The following NIPBL variants were observed in gnomAD, a reference collection of about 807,000 sequenced individuals.
The protein encoded by NIPBL is NIPBL cohesin loading factor, also known as nipped-B-like protein.
Under a neutral mutation model 321.8 loss-of-function variants are expected in NIPBL, and 19 were observed. The ratio of observed to expected loss-of-function variants is 0.06; its 90% CI spans 0.04 to 0.09. The LOEUF is 0.09. NIPBL is among the 10% of genes least tolerant of loss of function. NIPBL has a pLI of 1.00. For missense variants in NIPBL, 2,210 were observed against 3,327.0 expected, an observed-to-expected ratio of 0.66 and a Z score of 8.26; for synonymous variants, 1,106 against 1,114.1, an observed-to-expected ratio of 0.99 and a Z score of 0.14.
chr5:37,016,980 T>A, intron 23 of NIPBL, 39 bp from the exon 24 acceptor site: 2 of 1,305,326 alleles, frequency 1.5e-6, no homozygotes, highest in Non-Finnish European at 2.2e-6. Context: ...AAATATATTG[T>A]TATAAATCTA....
chr5:37,010,881 G>A (rs190621740), intron 21 of NIPBL, among the ~76,000 whole-genome samples: 2 of 152,192 alleles, frequency 1.3e-5, no homozygotes, highest in African/African-American at 2.4e-5. Flanking sequence ...GAGTATCCCT[G>A]ATCCAAAAAT....
chr5:36,999,173 A>G (rs932198138), intron 11 of NIPBL, among the ~76,000 whole-genome samples: 1 of 152,214 alleles, frequency 6.6e-6, no homozygotes, highest in Non-Finnish European at 1.5e-5. Context: ...TGGCACAAGC[A>G]TAGAGTGCCT....
chr5:36,985,585 A>G lies in NIPBL; in HGVS notation c.2405A>G (p.Lys802Arg), dbSNP rs1744681690. 2 of 1,613,964 alleles carry G rather than the reference A, an allele frequency of 1.2e-6. No homozygotes were observed. The highest frequency in any genetic ancestry group is 1.1e-5 in the South Asian group (1 of 91,084). The change falls in exon 10 of 47, where the codon AAG becomes AGG. Residue 802 changes from lysine to arginine, a missense_variant. Coordinates refer to ENST00000282516, the MANE Select transcript of NIPBL (RefSeq NM_133433.4). ...RLKSERAEAL[K>R]QRPDGRSVSE... ...AAATCAGAACGAGCTGAAGCCTTAAAGCAGAGACCTGATGGGCGATCTGTT... is the reference window on the plus strand; with the variant it reads ...AAATCAGAACGAGCTGAAGCCTTAAGGCAGAGACCTGATGGGCGATCTGTT...
rs1468615079 is a variant in NIPBL, at chr5:37,002,587, G to C, written c.3665-75G>C. The C allele has an allele frequency of 5.9e-6, 6 of 1,013,002 alleles. No homozygotes were observed. The East Asian group carries it at 1.5e-4, about 25-fold the overall frequency. The allele number at this position is 1,013,002 out of a possible 1,614,324, so 62.8% of individuals were successfully genotyped here. A position where few individuals can be genotyped will look rare whatever the true frequency, so the allele number is the denominator to read the frequency against. On this transcript the variant is annotated intron_variant, in intron 14 of 46. Coordinates refer to ENST00000282516, the MANE Select transcript of NIPBL (RefSeq NM_133433.4). ...GTTTGCATGTCTAAAAATTTTATTAGAAAGTTAAGCTTGACATTTTGAACT... is the reference window on the plus strand; with the variant it reads ...GTTTGCATGTCTAAAAATTTTATTACAAAGTTAAGCTTGACATTTTGAACT...
intron 1 of NIPBL, among the ~76,000 whole-genome samples, chr5:36,953,172 C>G (rs1023213929): frequency 6.6e-6 from 1 of 152,100 alleles, no homozygotes; most frequent in Non-Finnish European, 1.5e-5. Context: ...AAAGACACAG[C>G]TAGAAAGGCA....
intron 27 of NIPBL, 103 bp from the exon 28 acceptor site, chr5:37,021,948 G>A: frequency 2.4e-6 from 2 of 850,100 alleles, no homozygotes; most frequent in Admixed American, 4.0e-5. Context: ...AGATTAAAGA[G>A]AGGTAAATAA....
At chr5:36,984,096 A>G (rs1040869290) in intron 9 of NIPBL, among the ~76,000 whole-genome samples, 1 of 152,116 alleles carries the variant, frequency 6.6e-6, no homozygotes, top group African/African-American at 2.4e-5. Context: ...TGAATTATTG[A>G]TTAAAGTTAA....
At chr5:37,015,940 AAAG>A in intron 22 of NIPBL, 95 bp from the exon 23 acceptor site, 3 of 1,235,510 alleles carry the variant, frequency 2.4e-6, no homozygotes, top group East Asian at 2.3e-5. Flanking sequence ...AACATAGAAA[AAAG>A]AAAACTTAGC....
chr5:37,030,230 AAGTT>A (rs1209255080), intron 32 of NIPBL, among the ~76,000 whole-genome samples: 1 of 152,142 alleles, frequency 6.6e-6, no homozygotes, highest in African/African-American at 2.4e-5. Flanking sequence ...TTTAGTTAGT[AAGTT>A]AGTTTATCCA....
intron 44 of NIPBL, 132 bp from the exon 45 acceptor site, chr5:37,060,712 G>A: frequency 1.3e-6 from 1 of 775,416 alleles, no homozygotes; most frequent in Non-Finnish European, 2.1e-6. Context: ...GCTGTCCTAG[G>A]ATCACAATAG....
chr5:37,038,486 T>C (rs1463727190), intron 33 of NIPBL, 116 bp from the exon 34 acceptor site: 1 of 769,206 alleles, frequency 1.3e-6, no homozygotes, highest in Non-Finnish European at 2.1e-6. Context: ...TTCATTATAT[T>C]GAGGCCTATA....
Position 36,918,773 on chromosome 5 carries a change from C to T in NIPBL, c.-79-34845C>T, listed in dbSNP as rs372363521. Among the ~76,000 whole-genome samples the T allele has an allele frequency of 7.2e-4, 110 of 152,078 alleles. 1 individual carries two copies. The highest frequency in any genetic ancestry group is 2.4e-3 in the African/African-American group (100 of 41,442). On this transcript the variant is annotated intron_variant, in intron 1 of 46. Coordinates refer to ENST00000282516, the MANE Select transcript of NIPBL (RefSeq NM_133433.4). The stretch of plus-strand genomic sequence containing the variant: ...TTGTCAAAGGCCTTTTCTGCATCTA[C>T]TGAGATAATCATGTGGTTTTTGTCT...
chr5:37,000,644 T>C (rs1746682661), intron 12 of NIPBL, 74 bp downstream of exon 12: 2 of 1,463,304 alleles, frequency 1.4e-6, no homozygotes, highest in African/African-American at 2.8e-5. Context: ...AAGAATATTT[T>C]ATATCTTTTT....
rs779076574 is a variant in NIPBL, at chr5:37,057,314, A to G, written c.7392A>G (p.Leu2464=). 57 of 1,611,926 alleles carry G rather than the reference A, an allele frequency of 3.5e-5. No homozygotes were observed. The highest frequency in any genetic ancestry group is 4.7e-5 in the Non-Finnish European group (55 of 1,178,112). The change falls in exon 43 of 47, where the codon CTA becomes CTG. Residue 2464 remains leucine, a synonymous_variant. Transcript: ENST00000282516. ...CACTCTCAGTTTCTGGTAGTAACCTACTGCAGTCATTCAAGGAGGTAAGTT... is the reference window on the plus strand; with the variant it reads ...CACTCTCAGTTTCTGGTAGTAACCTGCTGCAGTCATTCAAGGAGGTAAGTT... The part of the protein sequence containing the change: ...DITLSVSGSN[L]LQSFKESMVK...
At chr5:36,906,264 A>G (rs916725154) in intron 1 of NIPBL, among the ~76,000 whole-genome samples, 3 of 152,210 alleles carry the variant, frequency 2.0e-5, no homozygotes, top group Non-Finnish European at 4.4e-5. Context: ...ATGAATATAC[A>G]TAAGATGTGT....
chr5:36,955,500 T>C lies in NIPBL; in HGVS notation c.93T>C (p.Pro31=). The change falls in exon 3 of 47, where the codon CCT becomes CCC. Residue 31 remains proline (P), a synonymous_variant. Transcript: ENST00000282516. ...TGAACCAGCTGCCTCTTCCATCTCC[T>C]TTACCTGCTACAACTACAAAGAGCC... The part of the protein sequence containing the change: ...DLLNQLPLPS[P]LPATTTKSLL... 1 of 1,613,980 alleles carries C rather than the reference T, an allele frequency of 6.2e-7. No homozygotes were observed.
chr5:36,991,304 TAA>T (rs951132648), intron 10 of NIPBL, among the ~76,000 whole-genome samples: 13 of 152,152 alleles, frequency 8.5e-5, no homozygotes, highest in Admixed American at 3.3e-4. Context: ...TATACAGTTA[TAA>T]AGACAAAAAT....
At chr5:37,007,952 G>A in intron 18 of NIPBL, 56 bp from the exon 19 acceptor site, 1 of 1,009,350 alleles carries the variant, frequency 9.9e-7, no homozygotes, top group Non-Finnish European at 1.6e-6. Flanking sequence ...TAGTAAGATA[G>A]AATGTTACTG....
chr5:37,032,281 C>G (rs969545544), intron 32 of NIPBL, among the ~76,000 whole-genome samples: 7 of 151,880 alleles, frequency 4.6e-5, no homozygotes, highest in African/African-American at 1.7e-4. Flanking sequence ...TACATTTTAT[C>G]TCAAGGAAAA....
Sources: gnomAD v4.1 joint callset for allele counts (sites outside exome capture counted in the v4.1 genomes callset) on GRCh38, gnomAD v4.1.1 for gene constraint, MANE v1.5 for transcripts, NCBI Gene and HGNC (gene_info 2026-07-23, HGNC 2026-07-21) for gene names.